The following MYO1H variants were observed in gnomAD, a reference collection of about 807,000 sequenced individuals.
MYO1H encodes myosin IH.
In MYO1H, 118 loss-of-function variants were observed where a neutral mutation model predicts 149.3. The ratio of observed to expected loss-of-function variants is 0.79; its 90% CI spans 0.68 to 0.92. The LOEUF is 0.92. Among genes scored for constraint, MYO1H ranks in the 40% least tolerant of loss-of-function variants. MYO1H has a pLI of 0.00. For synonymous variants in MYO1H, 447 were observed against 465.2 expected (o/e 0.96, Z 0.50); for missense variants, 1,212 against 1,280.7 (o/e 0.95, Z 0.82).
At chr12:109,335,346 T>C in the MYO1H span, among the ~76,000 whole-genome samples, 6 of 151,992 alleles carry the variant, frequency 3.9e-5, no homozygotes, top group East Asian at 1.2e-3. Flanking sequence ...TTGAAACAAC[T>C]AGAGCTCGTG....
At chr12:109,406,466 TTAAAAAAAAAA>T (rs1431683640) in intron 8 of MYO1H, among the ~76,000 whole-genome samples, 4,132 of 101,694 alleles carry the variant, frequency 0.041, 105 homozygotes, top group Middle Eastern at 0.074. Flanking sequence ...ACCCTATCTC[TTAAAAAAAAAA>T]AAAAAAAAAA....
chr12:109,336,187 G>A, the MYO1H span, among the ~76,000 whole-genome samples: 1 of 151,950 alleles, frequency 6.6e-6, no homozygotes, highest in African/African-American at 2.4e-5. Flanking sequence ...TTGTCTCTCA[G>A]GTCTCTTATT....
the MYO1H span, among the ~76,000 whole-genome samples, chr12:109,319,017 A>G: frequency 4.6e-5 from 5 of 109,538 alleles, no homozygotes; most frequent in Non-Finnish European, 9.1e-5. Flanking sequence ...TCATTCTAAA[A>G]TCATTCAAAA....
chr12:109,421,318 G>A (rs1871167523), intron 16 of MYO1H, among the ~76,000 whole-genome samples: 1 of 152,164 alleles, frequency 6.6e-6, no homozygotes, highest in African/African-American at 2.4e-5. Flanking sequence ...TTACAGTCAG[G>A]AGTTGGGGAA....
the MYO1H span, among the ~76,000 whole-genome samples, chr12:109,323,619 G>C: frequency 1.3e-5 from 2 of 152,344 alleles, no homozygotes; most frequent in South Asian, 2.1e-4. Flanking sequence ...CTCCCAGAGG[G>C]TACTGATGCT....
At chr12:109,390,770 A>G (rs546065913) in intron 2 of MYO1H, among the ~76,000 whole-genome samples, 2 of 150,990 alleles carry the variant, frequency 1.3e-5, no homozygotes, top group South Asian at 2.1e-4. Context: ...GGTTCAAGCA[A>G]TTCTCCTGCC....
chr12:109,402,737 C>A (rs1473022417), intron 6 of MYO1H, among the ~76,000 whole-genome samples: 3 of 151,912 alleles, frequency 2.0e-5, no homozygotes, highest in Admixed American at 2.0e-4. Flanking sequence ...ATGTTTTTTT[C>A]TTTTTGGAGG....
At chr12:109,382,107 G>T (rs1404934211) in intron 1 of MYO1H, among the ~76,000 whole-genome samples, 1 of 152,182 alleles carries the variant, frequency 6.6e-6, no homozygotes, top group African/African-American at 2.4e-5. Context: ...AAGAAAATGT[G>T]GATTTGGGTA....
intron 19 of MYO1H, among the ~76,000 whole-genome samples, chr12:109,429,675 T>G (rs559311701): frequency 1.3e-5 from 2 of 152,228 alleles, no homozygotes; most frequent in East Asian, 3.9e-4. Context: ...GGTGACTGCA[T>G]AAGGCCAGGC....
chr12:109,407,668 AGGCTG>A, intron 9 of MYO1H, 121 bp from the exon 10 acceptor site: 1 of 937,914 alleles, frequency 1.1e-6, no homozygotes, highest in Non-Finnish European at 1.5e-6. Context: ...ACTGCATTCC[AGGCTG>A]GGCAGCAGAG....
intron 29 of MYO1H, 35 bp downstream of exon 29, chr12:109,444,318 G>A (rs1386139878): frequency 6.3e-7 from 1 of 1,598,376 alleles, no homozygotes; most frequent in Non-Finnish European, 8.6e-7. Context: ...CTAAAAGACA[G>A]AAACAATACA....
chr12:109,374,216 A>C (rs1869046119), intron 1 of MYO1H, among the ~76,000 whole-genome samples: 2 of 152,150 alleles, frequency 1.3e-5, no homozygotes, highest in African/African-American at 4.8e-5. Flanking sequence ...CATTTCTATA[A>C]GTCATCTTTT....
At chr12:109,418,048 C>A (rs1871006331) in intron 15 of MYO1H, among the ~76,000 whole-genome samples, 1 of 151,934 alleles carries the variant, frequency 6.6e-6, no homozygotes, top group South Asian at 2.1e-4. Flanking sequence ...GATCTCCTGA[C>A]CTCATGATCC....
At chr12:109,355,751 G>A (rs923476962) in intron 1 of MYO1H, among the ~76,000 whole-genome samples, 6 of 149,808 alleles carry the variant, frequency 4.0e-5, no homozygotes, top group African/African-American at 1.5e-4. Flanking sequence ...TTTTTTGGGA[G>A]ATGAAGTCTC....
At chr12:109,372,396 T>C (rs967412025) in intron 1 of MYO1H, among the ~76,000 whole-genome samples, 2 of 152,132 alleles carry the variant, frequency 1.3e-5, no homozygotes, top group Non-Finnish European at 2.9e-5. Context: ...ATGTATAATT[T>C]ACATTCAGTA....
intron 2 of MYO1H, among the ~76,000 whole-genome samples, chr12:109,391,065 T>G (rs1869631453): frequency 6.6e-6 from 1 of 152,172 alleles, no homozygotes. Context: ...TAGGGAGGTA[T>G]TTCTCTTTTT....
At chr12:109,326,847 G>T in the MYO1H span, among the ~76,000 whole-genome samples, 1 of 151,986 alleles carries the variant, frequency 6.6e-6, no homozygotes, top group Non-Finnish European at 1.5e-5. Flanking sequence ...GGGGGAATGG[G>T]CAAGGTTTAG....
intron 1 of MYO1H, among the ~76,000 whole-genome samples, chr12:109,372,836 T>A (rs1013591438): frequency 2.0e-5 from 3 of 151,898 alleles, no homozygotes; most frequent in Admixed American, 6.6e-5. Flanking sequence ...TATTTTATAG[T>A]TGAACTTAGG....
Position 109,427,505 on chromosome 12 carries a change from A to C in MYO1H, c.1868A>C (p.Lys623Thr), listed in dbSNP as rs199639970. The C allele has an allele frequency of 9.7e-5, 157 of 1,612,734 alleles. No homozygotes were observed. The highest frequency in any genetic ancestry group is 1.3e-4 in the Non-Finnish European group (153 of 1,179,276). ...GACTTCCTCATAAGGCATCAGATCA[A>C]ATACCTGGGGCTGATGGAGCACCTG... The change falls in exon 19 of 32, where the codon AAA (lysine) becomes ACA (threonine). Residue 623 changes from lysine to threonine, a missense_variant. Lys to Thr is a moderately conservative substitution (Grantham distance 78). Transcript: ENST00000310903.
Sources: gnomAD v4.1 joint callset for allele counts (sites outside exome capture counted in the v4.1 genomes callset) on GRCh38, gnomAD v4.1.1 for gene constraint, MANE v1.5 for transcripts, NCBI Gene and HGNC (gene_info 2026-07-23, HGNC 2026-07-21) for gene names.